OXR1: variants seen among roughly 807,000 people sequenced by gnomAD.
The protein encoded by OXR1 is oxidation resistance protein 1.
Under a neutral mutation model 104.6 loss-of-function variants are expected in OXR1, and 41 were observed. The ratio of observed to expected loss-of-function variants is 0.39; its 90% CI spans 0.31 to 0.51. The LOEUF (loss-of-function observed/expected upper bound fraction) is 0.51. Among genes scored for constraint, OXR1 ranks in the 20% least tolerant of loss-of-function variants. The pLI is 0.77. For missense variants in OXR1, 955 were observed against 1,031.9 expected, an observed-to-expected ratio of 0.93 and a Z score of 1.02; for synonymous variants, 348 against 348.4, an observed-to-expected ratio of 1.00 and a Z score of 0.01.
chr8:106,298,041 G>A (rs908591205), intron 1 of OXR1, among the ~76,000 whole-genome samples: 3 of 152,024 alleles, frequency 2.0e-5, no homozygotes, highest in African/African-American at 4.8e-5. Flanking sequence ...AATAAAATTC[G>A]GCTGGTAGTC....
At position 106,337,733 on chromosome 8, in the gene OXR1, T is replaced by G. The variant is rs374249134; in HGVS notation, c.-138-21743T>G. 1.9e-4 allele frequency among the ~76,000 whole-genome samples: 29 copies of G among 152,236 alleles called. No homozygotes were observed. In the South Asian group the frequency reaches 5.6e-3, roughly 29 times the overall value. On this transcript the variant is annotated intron_variant, in intron 1 of 16. Coordinates refer to ENST00000517566, the MANE Select transcript of OXR1 (RefSeq NM_001198533.2). Reference sequence around the variant, plus strand: ...TTCCTTCATGATATGAAGAAAAAAATAAAATATTTTTCCTAACAAAGAAAG... The same window carrying G: ...TTCCTTCATGATATGAAGAAAAAAAGAAAATATTTTTCCTAACAAAGAAAG...
At chr8:106,278,528 A>T (rs1812151024) in intron 1 of OXR1, among the ~76,000 whole-genome samples, 1 of 152,218 alleles carries the variant, frequency 6.6e-6, no homozygotes. Flanking sequence ...ATATTAAAAA[A>T]AAAAATTCTA....
chr8:106,421,134 T>G (rs1013308108), intron 2 of OXR1, among the ~76,000 whole-genome samples: 1 of 152,144 alleles, frequency 6.6e-6, no homozygotes, highest in South Asian at 2.1e-4. Context: ...TTTTAACATA[T>G]TTAATACCAC....
intron 3 of OXR1, among the ~76,000 whole-genome samples, chr8:106,602,596 T>C (rs3110432): frequency 0.89 from 135,902 of 152,160 alleles, 60,734 homozygotes; most frequent in East Asian, 0.96. Flanking sequence ...ACAAGAGTGG[T>C]GGAAGATGGT....
At chr8:106,743,877 A>G (rs1835157154) in intron 15 of OXR1, among the ~76,000 whole-genome samples, 1 of 152,244 alleles carries the variant, frequency 6.6e-6, no homozygotes, top group Non-Finnish European at 1.5e-5. Context: ...AGACTGGATA[A>G]AGAAAATGTG....
intron 3 of OXR1, chr8:106,657,879 C>T (rs1390446998): frequency 1.1e-5 from 14 of 1,242,346 alleles, no homozygotes; most frequent in Admixed American, 4.3e-5. Context: ...CGCGGAGCCG[C>T]CTCCCCTGGG....
chr8:106,707,283 G>A (rs1831239056), intron 9 of OXR1, 138 bp downstream of exon 9: 1 of 746,578 alleles, frequency 1.3e-6, no homozygotes, highest in Non-Finnish European at 2.4e-6. Flanking sequence ...ATTCTCTGGG[G>A]ACAAGTATAT....
At chr8:106,362,859 A>G (rs1311162308) in intron 2 of OXR1, among the ~76,000 whole-genome samples, 1 of 152,224 alleles carries the variant, frequency 6.6e-6, no homozygotes, top group Non-Finnish European at 1.5e-5. Flanking sequence ...AAATAGTGGG[A>G]ACTTAGTGTG....
chr8:106,335,610 C>A (rs1814928663), intron 1 of OXR1, among the ~76,000 whole-genome samples: 1 of 151,986 alleles, frequency 6.6e-6, no homozygotes, highest in South Asian at 2.1e-4. Context: ...ACAGTACACT[C>A]TTCACTGAAG....
chr8:106,694,169 C>T (rs891931034), intron 7 of OXR1, among the ~76,000 whole-genome samples: 1 of 151,410 alleles, frequency 6.6e-6, no homozygotes, highest in Non-Finnish European at 1.5e-5. Flanking sequence ...TCTAGAATAT[C>T]GTATGTTTTA....
At chr8:106,405,708 C>T (rs1436830317) in intron 2 of OXR1, among the ~76,000 whole-genome samples, 1 of 152,052 alleles carries the variant, frequency 6.6e-6, no homozygotes, top group African/African-American at 2.4e-5. Flanking sequence ...GATGATGTAA[C>T]AGAGTATAGC....
At chr8:106,276,719 G>A (rs1228937621) in intron 1 of OXR1, among the ~76,000 whole-genome samples, 5 of 142,832 alleles carry the variant, frequency 3.5e-5, no homozygotes, top group African/African-American at 2.6e-5. Flanking sequence ...TAGCTCAAGA[G>A]CTTCTCCTTT....
rs1160065565 is a variant in OXR1 at position 106,279,205 on chromosome 8, A to AT, written c.-139+8839dup. Among the ~76,000 whole-genome samples, 4 of 152,350 alleles carry AT rather than the reference A, an allele frequency of 2.6e-5. No homozygotes were observed. In the East Asian group the frequency reaches 7.7e-4, roughly 29 times the overall value. On this transcript the variant is annotated intron_variant, in intron 1 of 16. Coordinates refer to ENST00000517566, the MANE Select transcript of OXR1 (RefSeq NM_001198533.2). The stretch of plus-strand genomic sequence containing the variant: ...TTGGTGGGTGTATAACAGAGAAAGC[A>AT]TAAAGTCATGTGAATGTTTCAGATA...
rs564721449 is a variant in OXR1 at position 106,420,233 on chromosome 8, G to T, written c.23+60597G>T. 1.3e-4 allele frequency among the ~76,000 whole-genome samples: 20 copies of T among 151,938 alleles called. No homozygotes were observed. The East Asian group carries it at 3.5e-3, about 26-fold the overall frequency. On this transcript the variant is annotated intron_variant, in intron 2 of 16. Coordinates refer to ENST00000517566, the MANE Select transcript of OXR1 (RefSeq NM_001198533.2). The stretch of plus-strand genomic sequence containing the variant: ...TTGTTAAATTGGTTATGAATTGGAG[G>T]TCATATATCTTTATTTCTTTGTTTG...
intron 1 of OXR1, among the ~76,000 whole-genome samples, chr8:106,304,345 C>T (rs945948530): frequency 9.9e-5 from 15 of 152,138 alleles, no homozygotes; most frequent in African/African-American, 3.6e-4. Context: ...AATTGTCAGA[C>T]TAGCCAGCTA....
intron 2 of OXR1, among the ~76,000 whole-genome samples, chr8:106,420,755 T>C (rs1400072465): frequency 6.6e-6 from 1 of 151,974 alleles, no homozygotes; most frequent in Non-Finnish European, 1.5e-5. Context: ...TGTGTGTGTG[T>C]GTGTTAGTTA....
chr8:106,708,695 C>A (rs567719597), intron 9 of OXR1, among the ~76,000 whole-genome samples: 1 of 152,064 alleles, frequency 6.6e-6, no homozygotes, highest in Non-Finnish European at 1.5e-5. Flanking sequence ...TTGGTTGTTT[C>A]AACCTTTTGG....
chr8:106,271,051 C>T (rs1811781330), intron 1 of OXR1, among the ~76,000 whole-genome samples: 1 of 151,956 alleles, frequency 6.6e-6, no homozygotes, highest in Non-Finnish European at 1.5e-5. Context: ...TAGAAAGTGG[C>T]CTGGAGGGCC....
At chr8:106,348,671 G>T (rs1586553832) in intron 1 of OXR1, among the ~76,000 whole-genome samples, 2 of 152,042 alleles carry the variant, frequency 1.3e-5, no homozygotes, top group African/African-American at 4.8e-5. Context: ...TTTAAAAAAT[G>T]ATTATTTATT....
Sources: allele counts gnomAD v4.1 joint callset (sites outside exome capture counted in the v4.1 genomes callset), GRCh38; gene constraint gnomAD v4.1.1; transcripts MANE v1.5; gene names NCBI Gene and HGNC (gene_info 2026-07-23, HGNC 2026-07-21).